ARHGAP44: variants seen among roughly 807,000 people sequenced by gnomAD.
ARHGAP44 encodes Rho GTPase activating protein 44, also known as rho GTPase-activating protein 44.
A neutral mutation model predicts 106.8 loss-of-function variants in ARHGAP44; 43 were observed. That is an observed-to-expected ratio of 0.40 (90% CI 0.32 to 0.52). ARHGAP44 has a LOEUF of 0.52. ARHGAP44 is among the 20% of genes least tolerant of loss of function. The pLI, the probability that ARHGAP44 is intolerant of heterozygous loss-of-function variation, is 0.48. For synonymous variants in ARHGAP44, 439 were observed against 410.3 expected (o/e 1.07, Z -0.85); for missense variants, 866 against 1,050.5 (o/e 0.82, Z 2.43).
At chr17:12,802,681 C>T (rs2034129501) in intron 1 of ARHGAP44, among the ~76,000 whole-genome samples, 2 of 150,498 alleles carry the variant, frequency 1.3e-5, no homozygotes, top group Non-Finnish European at 3.0e-5. Flanking sequence ...CCACCTTGAT[C>T]GATTTGCCAG....
intron 1 of ARHGAP44, among the ~76,000 whole-genome samples, chr17:12,858,110 T>G (rs1216200570): frequency 6.6e-6 from 1 of 152,172 alleles, no homozygotes; most frequent in Non-Finnish European, 1.5e-5. Context: ...TTATGCCAAG[T>G]CTGTAGTAAG....
chr17:12,912,858 C>T lies in ARHGAP44; in HGVS notation c.276-3042C>T, dbSNP rs78150367. ...GGGCAGAGGAGAATACCGTGACATA[C>T]GTGGCCTCAGAAATTGACTTCCCAC... is the stretch of plus-strand genomic sequence containing the variant. On this transcript the variant is annotated intron_variant, in intron 4 of 20. Coordinates refer to ENST00000379672, the MANE Select transcript of ARHGAP44 (RefSeq NM_014859.6). Among the ~76,000 whole-genome samples the T allele has an allele frequency of 3.0e-3, 463 of 152,276 alleles. 17 individuals are homozygous for T. The East Asian group carries it at 0.082, about 27-fold the overall frequency.
rs1484838401 is a variant in ARHGAP44, at chr17:12,903,203, G to GATATTAGA, written c.199-5691_199-5684dup. On this transcript the variant is annotated intron_variant, in intron 3 of 20. Transcript: ENST00000379672. ...TGTGTGTGTTTGGAGGAATGGAGTG[G>GATATTAGA]ATATTAGAATGAGGCTTATTGTCTG... Among the ~76,000 whole-genome samples, 4 of 136,616 alleles carry GATATTAGA rather than the reference G, an allele frequency of 2.9e-5. No homozygotes were observed. In the East Asian group the frequency reaches 7.2e-4, roughly 24 times the overall value. 89.6% of individuals were successfully genotyped at this position (136,616 alleles called of 152,430 possible). A position where few individuals can be genotyped will look rare whatever the true frequency, so the allele number is the denominator to read the frequency against.
At chr17:12,885,464 T>C (rs1010894354) in intron 1 of ARHGAP44, among the ~76,000 whole-genome samples, 3 of 152,054 alleles carry the variant, frequency 2.0e-5, no homozygotes, top group African/African-American at 7.2e-5. Flanking sequence ...ACCATTTTGC[T>C]GTGCCCAACT....
Position 12,816,877 on chromosome 17 carries a change from T to A in ARHGAP44, c.53+26986T>A, listed in dbSNP as rs72479746. Among the ~76,000 whole-genome samples, 754 of 152,262 alleles carry A rather than the reference T, an allele frequency of 5.0e-3. 26 individuals are homozygous for A. In the East Asian group the frequency reaches 0.07, roughly 14 times the overall value. ...AGTTCACAGAAAATTAGCAAGGACA[T>A]AGAAGAACTGAACAACACTGTAAAC... On this transcript the variant is annotated intron_variant, in intron 1 of 20. Coordinates refer to ENST00000379672, the MANE Select transcript of ARHGAP44 (RefSeq NM_014859.6).
chr17:12,901,664 C>T (rs1437145986), intron 3 of ARHGAP44, among the ~76,000 whole-genome samples: 5 of 152,024 alleles, frequency 3.3e-5, no homozygotes, highest in African/African-American at 1.2e-4. Flanking sequence ...ATGGGAGCTG[C>T]TGTGATCACC....
intron 1 of ARHGAP44, among the ~76,000 whole-genome samples, chr17:12,857,487 C>T (rs1420845551): frequency 1.3e-5 from 2 of 152,158 alleles, no homozygotes; most frequent in Non-Finnish European, 2.9e-5. Context: ...AGCCACCAGT[C>T]CTATCATGGG....
At chr17:12,811,083 C>T (rs148804209) in intron 1 of ARHGAP44, among the ~76,000 whole-genome samples, 2,562 of 152,120 alleles carry the variant, frequency 0.017, 35 homozygotes, top group Non-Finnish European at 0.019. Flanking sequence ...GAGGCTGAGA[C>T]GGGCGGATCA....
At chr17:12,928,135 G>A (rs140493913) in intron 6 of ARHGAP44, among the ~76,000 whole-genome samples, 39 of 152,214 alleles carry the variant, frequency 2.6e-4, no homozygotes, top group African/African-American at 8.9e-4. Flanking sequence ...GAGTGACTTC[G>A]TTAGAAGGCC....
intron 1 of ARHGAP44, among the ~76,000 whole-genome samples, chr17:12,826,988 C>G (rs1269629589): frequency 6.6e-6 from 1 of 152,138 alleles, no homozygotes; most frequent in Non-Finnish European, 1.5e-5. Flanking sequence ...TCCCTACCTC[C>G]CAATACCTAA....
In ARHGAP44 at chr17:12,861,269, C is replaced by T. The variant is rs182592786; in HGVS notation, c.54-33671C>T. Among the ~76,000 whole-genome samples, 366 of 152,264 alleles carry T rather than the reference C, an allele frequency of 2.4e-3. 1 individual carries two copies. The highest frequency in any genetic ancestry group is 8.1e-3 in the African/African-American group (338 of 41,562). ...CCTCCCAAAGGGGTGGGGTTACAGG[C>T]GTGAGCCACCGTGTGCCTGGCCATG... is the stretch of plus-strand genomic sequence containing the variant. On this transcript the variant is annotated intron_variant, in intron 1 of 20. Coordinates refer to ENST00000379672, the MANE Select transcript of ARHGAP44 (RefSeq NM_014859.6).
chr17:12,834,701 A>G (rs2035185752), intron 1 of ARHGAP44, among the ~76,000 whole-genome samples: 1 of 152,224 alleles, frequency 6.6e-6, no homozygotes, highest in Non-Finnish European at 1.5e-5. Flanking sequence ...TCCCCCATGA[A>G]GTTTATTTTC....
chr17:12,806,758 AT>A (rs1285688424), intron 1 of ARHGAP44, among the ~76,000 whole-genome samples: 1 of 152,244 alleles, frequency 6.6e-6, no homozygotes, highest in African/African-American at 2.4e-5. Flanking sequence ...GCAGATAGCA[AT>A]AAATCTATCT....
chr17:12,807,280 T>C (rs1275097474), intron 1 of ARHGAP44, among the ~76,000 whole-genome samples: 1 of 152,158 alleles, frequency 6.6e-6, no homozygotes, highest in East Asian at 1.9e-4. Flanking sequence ...TGAATTGCCA[T>C]TGTTATTATT....
intron 16 of ARHGAP44, among the ~76,000 whole-genome samples, chr17:12,968,503 C>G (rs1484733126): frequency 5.3e-5 from 8 of 152,258 alleles, no homozygotes; most frequent in African/African-American, 1.7e-4. Flanking sequence ...CTTTACTGCC[C>G]CAATGACCTG....
chr17:12,804,281 A>G (rs1333668049), intron 1 of ARHGAP44, among the ~76,000 whole-genome samples: 1 of 152,214 alleles, frequency 6.6e-6, no homozygotes, highest in East Asian at 1.9e-4. Flanking sequence ...CACGTTTACT[A>G]TTGACCATTA....
intron 16 of ARHGAP44, among the ~76,000 whole-genome samples, chr17:12,972,363 T>C (rs1034580875): frequency 8.5e-5 from 13 of 152,206 alleles, no homozygotes; most frequent in African/African-American, 2.9e-4. Flanking sequence ...AGTCAGTGGA[T>C]AAGGCCAGGC....
intron 1 of ARHGAP44, among the ~76,000 whole-genome samples, chr17:12,894,091 A>G (rs189060247): frequency 6.6e-6 from 1 of 152,330 alleles, no homozygotes; most frequent in East Asian, 1.9e-4. Flanking sequence ...GATATTTTAT[A>G]CATGTATTAT....
At position 12,950,628 on chromosome 17, in the gene ARHGAP44, T is replaced by G. The variant is rs113455466; in HGVS notation, c.1055+898T>G. Among the ~76,000 whole-genome samples the G allele has an allele frequency of 8.1e-3, 1,233 of 152,256 alleles. 14 individuals are homozygous for G. Among genetic ancestry groups the G allele is most frequent in the African/African-American group, 0.028 (1,175 of 41,532 alleles). On this transcript the variant is annotated intron_variant, in intron 12 of 20. Coordinates refer to ENST00000379672, the MANE Select transcript of ARHGAP44 (RefSeq NM_014859.6). Reference sequence around the variant, plus strand: ...AATAGTATTGTTTGGAGGAATGTACTTTTACTGAGCGAATGGACCCCCACA... The same window carrying G: ...AATAGTATTGTTTGGAGGAATGTACGTTTACTGAGCGAATGGACCCCCACA...
Sources: gnomAD v4.1 joint callset for allele counts (sites outside exome capture counted in the v4.1 genomes callset) on GRCh38, gnomAD v4.1.1 for gene constraint, MANE v1.5 for transcripts, NCBI Gene and HGNC (gene_info 2026-07-23, HGNC 2026-07-21) for gene names.